FSCN1: variants seen among roughly 807,000 people sequenced by gnomAD.
FSCN1 encodes fascin actin-bundling protein 1, also known as fascin.
Under a neutral mutation model 39.7 loss-of-function variants are expected in FSCN1, and 10 were observed. That is an observed-to-expected ratio of 0.25 (90% CI 0.16 to 0.43). FSCN1 has a LOEUF of 0.43. Among genes scored for constraint, FSCN1 ranks in the 20% least tolerant of loss-of-function variants. The probability of loss-of-function intolerance (pLI) is 1.00; values close to 1 mark genes in which losing one functional copy is unlikely to be tolerated. For synonymous variants in FSCN1, 322 were observed against 320.0 expected, an observed-to-expected ratio of 1.01 and a Z score of -0.07; for missense variants, 525 against 723.8, an observed-to-expected ratio of 0.73 and a Z score of 3.15.
rs1256429793 is a variant in FSCN1 at position 5,605,491 on chromosome 7, C to T, written c.*17C>T. The T allele has an allele frequency of 4.0e-6, 6 of 1,513,594 alleles. No individual in the cohort carries two copies. Among genetic ancestry groups the T allele is most frequent in the African/African-American group, 1.4e-5 (1 of 72,482 alleles). 93.8% of individuals were successfully genotyped at this position (1,513,594 alleles called of 1,614,324 possible). A position where few individuals can be genotyped will look rare whatever the true frequency, so the allele number is the denominator to read the frequency against. On this transcript the variant is annotated 3_prime_UTR_variant, in exon 5 of 5. Transcript: ENST00000382361. This position sits in a 1 kb window ranked among gnomAD's most constrained non-coding sequence, Gnocchi z 6.9. ...GAGTACTAGGGCCGGCCCGTCCTTC[C>T]CCGCCCCTGCCCACATGGCGGCTCC... is the stretch of plus-strand genomic sequence containing the variant.
chr7:5,603,169 GTGTGTAGT>G lies in FSCN1; in HGVS notation c.833-86_833-79del. ...ACCCCACCCCGTGGTGTTACCTTGCGTGTGTAGTTCTGTGAGCTCAGGGCTATGGTCTG... is the reference window on the plus strand; with the variant it reads ...ACCCCACCCCGTGGTGTTACCTTGCGTCTGTGAGCTCAGGGCTATGGTCTG... On this transcript the variant is annotated intron_variant, in intron 1 of 4. Coordinates refer to ENST00000382361, the MANE Select transcript of FSCN1 (RefSeq NM_003088.4). This position sits in a 1 kb window ranked among gnomAD's most constrained non-coding sequence, Gnocchi z 8.5. 2 of 1,470,026 alleles carry G rather than the reference GTGTGTAGT, an allele frequency of 1.4e-6. No individual in the cohort carries two copies. The highest frequency in any genetic ancestry group is 3.5e-5 in the Admixed American group (2 of 56,382). 91.1% of individuals were successfully genotyped at this position (1,470,026 alleles called of 1,614,324 possible).
At chr7:5,597,684 C>A (rs852482) in intron 1 of FSCN1, among the ~76,000 whole-genome samples, 14,383 of 139,920 alleles carry the variant, frequency 0.1, 865 homozygotes, top group African/African-American at 0.18. Context: ...CAAAACAAAA[C>A]AAAAAAAACA....
At chr7:5,597,410 A>C (rs1785749006) in intron 1 of FSCN1, among the ~76,000 whole-genome samples, 1 of 151,830 alleles carries the variant, frequency 6.6e-6, no homozygotes, top group Admixed American at 6.6e-5. Flanking sequence ...TCACGCCTGT[A>C]ATGCCAGCAC....
At position 5,593,192 on chromosome 7, in the gene FSCN1, G is replaced by C. The variant is rs776462529; in HGVS notation, c.256G>C (p.Gly86Arg). Residue 86 changes from glycine to arginine, a missense_variant, in exon 1 of 5, where the codon GGT becomes CGT. Physicochemically the swap from Gly to Arg is moderately radical, Grantham distance 125. Around this residue, in one of 3 missense-constraint regions of FSCN1, gnomAD observed 246 missense variants for 350.6 expected, o/e 0.70. Transcript: ENST00000382361. ...CGTGACCTGCGAGCGCGAGGTGCCC[G>C]GTCCCGACTGCCGTTTCCTCATCGT... Reference protein sequence around the residue: ...GNVTCEREVPGPDCRFLIVAH... With the variant: ...GNVTCEREVPRPDCRFLIVAH... The C allele has an allele frequency of 1.9e-6, 3 of 1,602,374 alleles. 1 individual carries two copies. The South Asian group carries it at 3.3e-5, about 18-fold the overall frequency.
Position 5,599,602 on chromosome 7 carries a change from T to A in FSCN1, c.833-3655T>A, listed in dbSNP as rs852478. On this transcript the variant is annotated intron_variant, in intron 1 of 4. Coordinates refer to ENST00000382361, the MANE Select transcript of FSCN1 (RefSeq NM_003088.4). The surrounding 1 kb of genome is among the most constrained non-coding windows in gnomAD (Gnocchi z 5.6). ...AAAGGTGGGAGGACTGCTTGAGTCCTGGAGTTTGGGCAACATAGCGAGACC... is the reference window on the plus strand; with the variant it reads ...AAAGGTGGGAGGACTGCTTGAGTCCAGGAGTTTGGGCAACATAGCGAGACC... Among the ~76,000 whole-genome samples the A allele has an allele frequency of 0.094, 14,215 of 151,890 alleles. 771 individuals carry two copies. Among genetic ancestry groups the A allele is most frequent in the East Asian group, 0.14 (733 of 5,142 alleles).
intron 4 of FSCN1, among the ~76,000 whole-genome samples, chr7:5,604,251 C>G (rs922918883): frequency 1.3e-5 from 2 of 149,996 alleles, no homozygotes; most frequent in African/African-American, 4.9e-5. Flanking sequence ...CCTTGCCCAC[C>G]TGACAGAGAG....
rs1054764450 is a variant in FSCN1, at chr7:5,603,187, T to C, written c.833-70T>C. ...ACCTTGCGTGTGTAGTTCTGTGAGC[T>C]CAGGGCTATGGTCTGCCAGAACTAG... On this transcript the variant is annotated intron_variant, in intron 1 of 4. Transcript: ENST00000382361. This position sits in a 1 kb window ranked among gnomAD's most constrained non-coding sequence, Gnocchi z 8.5. The C allele has an allele frequency of 1.3e-6, 2 of 1,562,640 alleles. No individual in the cohort carries two copies. Among genetic ancestry groups the C allele is most frequent in the South Asian group, 1.1e-5 (1 of 87,958 alleles).
Position 5,603,574 on chromosome 7 carries a change from C to T in FSCN1, c.1068C>T (p.Thr356=), listed in dbSNP as rs758061836. The T allele has an allele frequency of 6.2e-7, 1 of 1,614,166 alleles. No individual in the cohort carries two copies. The highest frequency in any genetic ancestry group is 8.5e-7 in the Non-Finnish European group (1 of 1,180,036). The part of the protein sequence containing the change: ...TLRASNGKFV[T]SKKNGQLAAS... ...GGGCGTCCAATGGCAAGTTTGTGAC[C>T]TCCAAGAAGAATGGGCAGCTGGCCG... Residue 356 remains threonine (T), a synonymous_variant, in exon 3 of 5, where the codon ACC becomes ACT. Coordinates refer to ENST00000382361, the MANE Select transcript of FSCN1 (RefSeq NM_003088.4). The surrounding 1 kb of genome is among the most constrained non-coding windows in gnomAD (Gnocchi z 8.5).
intron 1 of FSCN1, chr7:5,594,448 G>T (rs1263664139): frequency 6.6e-6 from 1 of 152,476 alleles, no homozygotes; most frequent in African/African-American, 2.4e-5. Flanking sequence ...TTGTGAGCAG[G>T]GGGGCGGGTC....
rs1785675276 is a variant in FSCN1, at chr7:5,593,705, G to C, written c.769G>C (p.Glu257Gln). 3.8e-6 allele frequency: 6 copies of C among 1,593,746 alleles called. No individual in the cohort carries two copies. Among genetic ancestry groups the C allele is most frequent in the Non-Finnish European group, 5.1e-6 (6 of 1,176,664 alleles). The part of the protein sequence containing the change: ...KVGKDELFAL[E>Q]QSCAQVVLQA... The stretch of plus-strand genomic sequence containing the variant: ...GGGCAAGGACGAGCTCTTTGCTCTG[G>C]AGCAGAGCTGCGCCCAGGTCGTGCT... Residue 257 changes from glutamate (E) to glutamine (Q), a missense_variant, in exon 1 of 5, where the codon GAG becomes CAG. Physicochemically the swap from Glu to Gln is conservative, Grantham distance 29. This residue lies in a region of FSCN1 where 275 missense variants were observed against 351.9 expected (regional missense o/e 0.78). Transcript: ENST00000382361.
In FSCN1 at chr7:5,599,237, C is replaced by T. The variant is rs371261997; in HGVS notation, c.833-4020C>T. ...CGTCGGAGGGCAGAGGGTGGGCTAC[C>T]GGCTTAAGGGGCCCCAGGGAACCTG... On this transcript the variant is annotated intron_variant, in intron 1 of 4. Transcript: ENST00000382361. The surrounding 1 kb of genome is among the most constrained non-coding windows in gnomAD (Gnocchi z 5.6). Among the ~76,000 whole-genome samples the T allele has an allele frequency of 4.6e-5, 7 of 152,204 alleles. No homozygotes were observed. The highest frequency in any genetic ancestry group is 4.1e-4 in the South Asian group (2 of 4,828).
At chr7:5,604,929 ACCCGG>A (rs1562750140) in intron 4 of FSCN1, among the ~76,000 whole-genome samples, 1 of 150,412 alleles carries the variant, frequency 6.6e-6, no homozygotes, top group Non-Finnish European at 1.5e-5. Context: ...GAGCCACCAC[ACCCGG>A]CTAATTGTTT....
intron 1 of FSCN1, among the ~76,000 whole-genome samples, chr7:5,597,242 G>C (rs1391107830): frequency 6.6e-6 from 1 of 152,234 alleles, no homozygotes; most frequent in Non-Finnish European, 1.5e-5. Context: ...GGTGATGCAC[G>C]CCTGTCGTCC....
rs1421571551 is a variant in FSCN1, at chr7:5,599,136, C to T, written c.833-4121C>T. On this transcript the variant is annotated intron_variant, in intron 1 of 4. Coordinates refer to ENST00000382361, the MANE Select transcript of FSCN1 (RefSeq NM_003088.4). This position sits in a 1 kb window ranked among gnomAD's most constrained non-coding sequence, Gnocchi z 5.6. ...GGTCCCGGCACCCTGGGACCCAGCC[C>T]CTGCTCACCTTATCCTCCTCCCGTG... 1.3e-5 allele frequency among the ~76,000 whole-genome samples: 2 copies of T among 152,150 alleles called. No individual in the cohort carries two copies.
rs1007794597 is a variant in FSCN1 at position 5,599,776 on chromosome 7, C to T, written c.833-3481C>T. 6.6e-6 allele frequency among the ~76,000 whole-genome samples: 1 copy of T among 152,004 alleles called. No individual in the cohort carries two copies. Among genetic ancestry groups the T allele is most frequent in the African/African-American group, 2.4e-5 (1 of 41,360 alleles). On this transcript the variant is annotated intron_variant, in intron 1 of 4. Transcript: ENST00000382361. This position sits in a 1 kb window ranked among gnomAD's most constrained non-coding sequence, Gnocchi z 5.6. Reference sequence around the variant, plus strand: ...AGCCATGCTTGGGCCACTTGCACTCCAGCCTGGGCAACAGAGCAAGACCCT... The same window carrying T: ...AGCCATGCTTGGGCCACTTGCACTCTAGCCTGGGCAACAGAGCAAGACCCT...
At chr7:5,600,778 C>G (rs565798303) in intron 1 of FSCN1, among the ~76,000 whole-genome samples, 6 of 151,916 alleles carry the variant, frequency 3.9e-5, no homozygotes, top group South Asian at 2.1e-4. Context: ...CTCAGCCTCC[C>G]GAGTAGCAGG....
Position 5,603,642 on chromosome 7 carries a change from G to A in FSCN1, c.1111+25G>A. 6.2e-7 allele frequency: 1 copy of A among 1,613,828 alleles called. No homozygotes were observed. The highest frequency in any genetic ancestry group is 8.5e-7 in the Non-Finnish European group (1 of 1,179,960). ...GGTAACACTAAAGCCCCAGTTCCCT[G>A]GAGCCGTCCTGGAGTCCTGGAGGGT... On this transcript the variant is annotated intron_variant, in intron 3 of 4. Transcript: ENST00000382361. The surrounding 1 kb of genome is among the most constrained non-coding windows in gnomAD (Gnocchi z 8.5).
chr7:5,601,285 C>T (rs1435154682), intron 1 of FSCN1, among the ~76,000 whole-genome samples: 10 of 150,008 alleles, frequency 6.7e-5, no homozygotes, highest in South Asian at 4.2e-4. Context: ...TCACTGCAAC[C>T]TCTGCCTCCC....
intron 1 of FSCN1, among the ~76,000 whole-genome samples, chr7:5,597,436 T>C (rs852483): frequency 0.47 from 70,499 of 151,510 alleles, 18,298 homozygotes; most frequent in African/African-American, 0.7. Flanking sequence ...GAGTCCAAGG[T>C]GGGTGGATCA....
Sources: allele counts gnomAD v4.1 joint callset (sites outside exome capture counted in the v4.1 genomes callset), GRCh38; gene constraint gnomAD v4.1.1; regional missense constraint gnomAD v4.1.1; non-coding constraint Gnocchi (gnomAD v3.1); transcripts MANE v1.5; gene names NCBI Gene and HGNC (gene_info 2026-07-23, HGNC 2026-07-21).